Variants in PRP4K observed in about 807,000 individuals in gnomAD.
PRP4K encodes the protein pre-mRNA processing factor kinase PRP4K, also known as serine/threonine-protein kinase PRP4 homolog.
the PRP4K span, chr6:4,057,033 C>T: frequency 9.7e-6 from 15 of 1,550,974 alleles, no homozygotes; most frequent in Non-Finnish European, 1.3e-5. Flanking sequence ...ATTTTGTTTT[C>T]AGTTATAGGT....
the PRP4K span, chr6:4,044,137 C>T: frequency 1.1e-6 from 1 of 886,724 alleles, no homozygotes. Context: ...AGACATGTTG[C>T]TTCTGCTGAA....
the PRP4K span, among the ~76,000 whole-genome samples, chr6:4,034,735 A>G: frequency 6.6e-6 from 1 of 151,120 alleles, no homozygotes; most frequent in South Asian, 2.1e-4. Context: ...ATTTTTTGAG[A>G]TGGGGTCTTG....
the PRP4K span, among the ~76,000 whole-genome samples, chr6:4,036,985 CAA>C: frequency 6.5e-4 from 74 of 113,890 alleles, no homozygotes; most frequent in Non-Finnish European, 9.9e-4. Flanking sequence ...GACCCTGTCT[CAA>C]AAAAAAAAAA....
At chr6:4,052,104 CA>C in the PRP4K span, 1 of 1,553,080 alleles carries the variant, frequency 6.4e-7, no homozygotes, top group African/African-American at 1.4e-5. Context: ...GGTACAATGT[CA>C]AAACGTGTGC....
the PRP4K span, chr6:4,032,812 A>C: frequency 7.0e-7 from 1 of 1,428,866 alleles, no homozygotes; most frequent in Non-Finnish European, 9.2e-7. Context: ...TTTAAACGGA[A>C]AACTAGAACT....
the PRP4K span, among the ~76,000 whole-genome samples, chr6:4,048,357 C>T: frequency 0.023 from 2,984 of 132,538 alleles, 97 homozygotes; most frequent in African/African-American, 0.079. Flanking sequence ...CCAGCCTGGG[C>T]GACAAAGCAA....
the PRP4K span, among the ~76,000 whole-genome samples, chr6:4,059,936 C>T: frequency 6.6e-6 from 1 of 152,166 alleles, no homozygotes; most frequent in Non-Finnish European, 1.5e-5. Context: ...TGAGCCACCG[C>T]GCCCAGCCCA....
the PRP4K span, chr6:4,042,460 T>G: frequency 2.0e-6 from 3 of 1,537,496 alleles, no homozygotes; most frequent in African/African-American, 4.1e-5. Context: ...TTAGAATCTC[T>G]TAAGGGTGTT....
the PRP4K span, among the ~76,000 whole-genome samples, chr6:4,028,058 G>A: frequency 6.6e-6 from 1 of 152,122 alleles, no homozygotes; most frequent in African/African-American, 2.4e-5. Flanking sequence ...TCTGGATTAT[G>A]GGATGGGAGA....
At chr6:4,051,902 T>G in the PRP4K span, 1 of 1,158,848 alleles carries the variant, frequency 8.6e-7, no homozygotes, top group South Asian at 1.7e-5. Context: ...CATTATTTAG[T>G]GCTCCTAAAT....
the PRP4K span, among the ~76,000 whole-genome samples, chr6:4,023,139 C>T: frequency 1.1e-4 from 16 of 152,142 alleles, no homozygotes; most frequent in Non-Finnish European, 1.5e-5. Flanking sequence ...AGAAGATAAC[C>T]ATTTGGTATG....
chr6:4,023,908 C>T, the PRP4K span, among the ~76,000 whole-genome samples: 2 of 149,294 alleles, frequency 1.3e-5, no homozygotes, highest in African/African-American at 2.5e-5. Flanking sequence ...CACTTTCTCT[C>T]CAGGCTAGAT....
At chr6:4,024,603 T>C in the PRP4K span, among the ~76,000 whole-genome samples, 2 of 152,094 alleles carry the variant, frequency 1.3e-5, no homozygotes, top group East Asian at 3.9e-4. Context: ...TGGTTGGTGA[T>C]TGGTGACTAT....
At chr6:4,034,574 C>T in the PRP4K span, among the ~76,000 whole-genome samples, 1 of 152,056 alleles carries the variant, frequency 6.6e-6, no homozygotes, top group African/African-American at 2.4e-5. Context: ...TTTAGGAAAA[C>T]CTTTATTACC....
At chr6:4,021,597 T>C in the PRP4K span, 1 of 1,308,640 alleles carries the variant, frequency 7.6e-7, no homozygotes, top group African/African-American at 1.5e-5. Flanking sequence ...CGATTCGTTG[T>C]GGGGTGGGAG....
the PRP4K span, chr6:4,060,589 G>A: frequency 4.3e-6 from 7 of 1,613,850 alleles, no homozygotes; most frequent in Non-Finnish European, 5.1e-6. This position sits in a 1 kb window ranked among gnomAD's most constrained non-coding sequence, Gnocchi z 4.7. Context: ...AGGCCCTACA[G>A]CACGCCTTCA....
chr6:4,050,163 A>G, the PRP4K span, among the ~76,000 whole-genome samples: 1 of 18,690 alleles, frequency 5.4e-5, no homozygotes, highest in East Asian at 5.9e-4. Flanking sequence ...AGTAGCTGGG[A>G]CTACAGGCGC....
the PRP4K span, chr6:4,042,431 A>C: frequency 7.5e-7 from 1 of 1,340,716 alleles, no homozygotes; most frequent in Non-Finnish European, 1.0e-6. Context: ...TAACTTTAAA[A>C]TGTATAAGGG....
At chr6:4,058,678 A>G in the PRP4K span, 1 of 1,280,786 alleles carries the variant, frequency 7.8e-7, no homozygotes, top group Admixed American at 1.7e-5. Flanking sequence ...AATTGTTAGT[A>G]GGCCTGTTTC....
Sources: allele counts gnomAD v4.1 joint callset (sites outside exome capture counted in the v4.1 genomes callset), GRCh38; gene constraint gnomAD v4.1.1; non-coding constraint Gnocchi (gnomAD v3.1); transcripts MANE v1.5; gene names NCBI Gene and HGNC (gene_info 2026-07-23, HGNC 2026-07-21).